Variants in CCNH observed in about 807,000 individuals in gnomAD.
CCNH encodes cyclin-H.
In CCNH, 31 loss-of-function variants were observed where a neutral mutation model predicts 41.9. The ratio of observed to expected loss-of-function variants is 0.74; its 90% CI spans 0.56 to 1.00. CCNH has a LOEUF of 1.00. CCNH is among the 50% of genes least tolerant of loss of function. The probability of loss-of-function intolerance (pLI) is 0.00; values close to 1 mark genes in which losing one functional copy is unlikely to be tolerated. For missense variants in CCNH, 362 were observed against 388.4 expected (o/e 0.93, Z 0.57); for synonymous variants, 138 against 136.1 (o/e 1.01, Z -0.10).
At chr5:87,349,406 A>G in intron 9 of CCNH, 1 of 1,599,160 alleles carries the variant, frequency 6.3e-7, no homozygotes, top group Non-Finnish European at 8.6e-7. Flanking sequence ...TTTCGCAAAA[A>G]TAGTTGAAAT....
At chr5:87,349,650 AG>A (rs1197630852) in intron 9 of CCNH, among the ~76,000 whole-genome samples, 1 of 151,928 alleles carries the variant, frequency 6.6e-6, no homozygotes, top group African/African-American at 2.4e-5. Flanking sequence ...TGTTATCTGT[AG>A]GAGGAGCAAA....
intron 9 of CCNH, among the ~76,000 whole-genome samples, chr5:87,347,203 T>C (rs1333766937): frequency 6.6e-6 from 1 of 152,054 alleles, no homozygotes; most frequent in Non-Finnish European, 1.5e-5. Flanking sequence ...GATATTGTAT[T>C]GTTTTTATTC....
chr5:87,330,107 T>C (rs904045255), intron 9 of CCNH, among the ~76,000 whole-genome samples: 1 of 152,160 alleles, frequency 6.6e-6, no homozygotes, highest in African/African-American at 2.4e-5. Flanking sequence ...ACGCTATAAA[T>C]AAGTTCATTA....
Position 87,401,751 on chromosome 5 carries a change from C to A in CCNH, c.711G>T (p.Met237Ile). The A allele has an allele frequency of 6.3e-7, 1 of 1,585,182 alleles. No individual in the cohort carries two copies. Among genetic ancestry groups the A allele is most frequent in the Non-Finnish European group, 8.6e-7 (1 of 1,168,120 alleles). Residue 237 changes from methionine (M) to isoleucine (I), a missense_variant, in exon 6 of 9, where the codon ATG becomes ATT. Met to Ile is a conservative substitution (Grantham distance 10). Transcript: ENST00000256897. ...TMESYLSESL[M>I]LKENRTCLSQ... ...ACAGGCAAGTTCTGTTCTCTTTCAG[C>A]ATCAGACTCTCTGATAAATAACTAG... is the stretch of plus-strand genomic sequence containing the variant.
At chr5:87,342,514 G>A (rs1758546054) in intron 9 of CCNH, among the ~76,000 whole-genome samples, 2 of 152,148 alleles carry the variant, frequency 1.3e-5, no homozygotes, top group South Asian at 4.1e-4. Flanking sequence ...ATGTAAGCAA[G>A]TGAAGCGGGT....
chr5:87,406,067 T>C (rs961463525), intron 4 of CCNH, among the ~76,000 whole-genome samples: 1 of 152,204 alleles, frequency 6.6e-6, no homozygotes, highest in African/African-American at 2.4e-5. Context: ...TTAATGTCTT[T>C]GATAATTCTC....
intron 9 of CCNH, among the ~76,000 whole-genome samples, chr5:87,326,148 T>A (rs1212525852): frequency 2.2e-4 from 34 of 152,116 alleles, no homozygotes; most frequent in Admixed American, 2.2e-3. Context: ...ATTTTTGTAT[T>A]TTTTGTAGAG....
chr5:87,371,407 A>G (rs972743397), downstream of CCNH, among the ~76,000 whole-genome samples: 1 of 152,162 alleles, frequency 6.6e-6, no homozygotes, highest in Non-Finnish European at 1.5e-5. Context: ...GAATAAAGCA[A>G]TAGTACACAG....
At chr5:87,349,994 A>G (rs745476766) in intron 9 of CCNH, among the ~76,000 whole-genome samples, 1 of 151,922 alleles carries the variant, frequency 6.6e-6, no homozygotes, top group Admixed American at 6.6e-5. Context: ...TCCTATAACT[A>G]ATAACTCTCT....
In CCNH at chr5:87,412,901, G is replaced by T; in HGVS notation, c.-107C>A. 6.6e-7 allele frequency: 1 copy of T among 1,505,676 alleles called. No individual in the cohort carries two copies. The highest frequency in any genetic ancestry group is 1.3e-5 in the South Asian group (1 of 78,776). The allele number at this position is 1,505,676 out of a possible 1,614,324, so 93.3% of individuals were successfully genotyped here. A position where few individuals can be genotyped will look rare whatever the true frequency, so the allele number is the denominator to read the frequency against. ...CCACCGAAGATCTCGCGGAAGCCTAGGGCGTCCGGCTAGCCGGCGCTGGCG... is the reference window on the plus strand; with the variant it reads ...CCACCGAAGATCTCGCGGAAGCCTATGGCGTCCGGCTAGCCGGCGCTGGCG... On this transcript the variant is annotated 5_prime_UTR_variant, in exon 1 of 9. Transcript: ENST00000256897.
intron 9 of CCNH, among the ~76,000 whole-genome samples, chr5:87,354,209 AT>A (rs1413725538): frequency 1.3e-5 from 2 of 152,080 alleles, no homozygotes; most frequent in Non-Finnish European, 2.9e-5. Context: ...ATCTTGTCAC[AT>A]TTTAACATAC....
chr5:87,337,845 G>A, intron 9 of CCNH: 1 of 928,510 alleles, frequency 1.1e-6, no homozygotes, highest in Non-Finnish European at 1.5e-6. Flanking sequence ...ACAAATTTAG[G>A]GTGTTTGACT....
chr5:87,399,613 T>C (rs893875547), intron 6 of CCNH, 108 bp from the exon 7 acceptor site: 3 of 713,114 alleles, frequency 4.2e-6, no homozygotes, highest in Non-Finnish European at 7.5e-6. Context: ...ACTCTTCAAA[T>C]GACATGGTTA....
chr5:87,332,926 T>C (rs1399050871), intron 9 of CCNH, among the ~76,000 whole-genome samples: 1 of 152,150 alleles, frequency 6.6e-6, no homozygotes, highest in Non-Finnish European at 1.5e-5. Flanking sequence ...ACTGATTTCA[T>C]AGTATTAACC....
upstream of CCNH, among the ~76,000 whole-genome samples, chr5:87,381,723 C>T (rs559433965): frequency 2.0e-5 from 3 of 152,068 alleles, no homozygotes; most frequent in South Asian, 2.1e-4. Context: ...AGCACAGTTA[C>T]GTGTGAGATG....
chr5:87,358,642 G>C (rs564854344), intron 9 of CCNH, among the ~76,000 whole-genome samples: 1 of 152,252 alleles, frequency 6.6e-6, no homozygotes, highest in South Asian at 2.1e-4. Flanking sequence ...TTACTCCTCT[G>C]TTTTAATACT....
intron 8 of CCNH, 142 bp from the exon 9 acceptor site, chr5:87,394,626 C>A: frequency 6.8e-7 from 1 of 1,474,312 alleles, no homozygotes; most frequent in Admixed American, 2.4e-5. Context: ...TGTAATAGTT[C>A]ACTGTTAGTA....
chr5:87,358,268 C>A (rs904570795), intron 9 of CCNH, among the ~76,000 whole-genome samples: 2 of 152,078 alleles, frequency 1.3e-5, no homozygotes, highest in Non-Finnish European at 2.9e-5. Flanking sequence ...AGACAATATA[C>A]CCCATAATAA....
downstream of CCNH, chr5:87,374,780 G>C (rs1761207375): frequency 2.5e-6 from 4 of 1,589,848 alleles, no homozygotes; most frequent in East Asian, 9.2e-5. Flanking sequence ...TAGAACTAAA[G>C]AAATAAGGTA....
Sources: allele counts gnomAD v4.1 joint callset (sites outside exome capture counted in the v4.1 genomes callset), GRCh38; gene constraint gnomAD v4.1.1; transcripts MANE v1.5; gene names NCBI Gene and HGNC (gene_info 2026-07-23, HGNC 2026-07-21).